Variants in ACVR2B observed in about 807,000 individuals in gnomAD.
The protein encoded by ACVR2B is activin A receptor type 2B, also known as activin receptor type-2B.
ACVR2B carries 18 observed loss-of-function variants against 65.1 expected under a neutral mutation model. The observed-to-expected ratio is 0.28, with a 90% CI of 0.19 to 0.41. The LOEUF is 0.41. ACVR2B is among the 10% of genes least tolerant of loss of function. The probability of loss-of-function intolerance (pLI) is 1.00; values close to 1 mark genes in which losing one functional copy is unlikely to be tolerated. For missense variants in ACVR2B, 482 were observed against 682.7 expected (o/e 0.71, Z 3.28); for synonymous variants, 298 against 277.7 (o/e 1.07, Z -0.73).
At chr3:38,482,624 C>T in intron 10 of ACVR2B, 64 bp downstream of exon 10, 2 of 1,581,984 alleles carry the variant, frequency 1.3e-6, no homozygotes, top group Non-Finnish European at 1.7e-6. Flanking sequence ...TCATGTGTAG[C>T]AGGTAAGCTG....
At chr3:38,476,151 T>G (rs1709904314) in intron 1 of ACVR2B, 1 of 152,308 alleles carries the variant, frequency 6.6e-6, no homozygotes, top group Non-Finnish European at 1.5e-5. Flanking sequence ...GTCAGGGCTA[T>G]GTGGTTCCTG....
chr3:38,479,064 C>T, intron 5 of ACVR2B, 64 bp from the exon 6 acceptor site: 3 of 1,600,486 alleles, frequency 1.9e-6, no homozygotes, highest in Non-Finnish European at 2.6e-6. Flanking sequence ...TGCTGTAGGG[C>T]AATGTGACTG....
At chr3:38,470,757 A>G (rs1279050337) in intron 1 of ACVR2B, among the ~76,000 whole-genome samples, 1 of 152,190 alleles carries the variant, frequency 6.6e-6, no homozygotes, top group Non-Finnish European at 1.5e-5. Context: ...CCAATGAGGG[A>G]TGGTAGAGAT....
At chr3:38,476,293 CGTT>C (rs1045103752) in intron 1 of ACVR2B, 20 of 151,970 alleles carry the variant, frequency 1.3e-4, no homozygotes, top group African/African-American at 3.9e-4. Context: ...GGGTTGAAGT[CGTT>C]GTCCACCTGG....
At position 38,482,446 on chromosome 3, in the gene ACVR2B, C is replaced by T. The variant is rs1268990653; in HGVS notation, c.1230C>T (p.Tyr410=). ...CKAADGPVDE[Y]MLPFEEEIGQ... is the part of the protein sequence containing the mutation. ...TTCTCCTAGGACCCGTGGATGAGTA[C>T]ATGCTGCCCTTTGAGGAAGAGATTG... Residue 410 remains tyrosine (Y), a synonymous_variant, in exon 10 of 11, where the codon TAC becomes TAT. Transcript: ENST00000352511. 1 of 1,612,626 alleles carries T rather than the reference C, an allele frequency of 6.2e-7. No homozygotes were observed. The highest frequency in any genetic ancestry group is 8.5e-7 in the Non-Finnish European group (1 of 1,179,818).
At chr3:38,466,129 C>T (rs1431943466) in intron 1 of ACVR2B, among the ~76,000 whole-genome samples, 2 of 152,196 alleles carry the variant, frequency 1.3e-5, no homozygotes, top group Non-Finnish European at 2.9e-5. Flanking sequence ...CAAATAACCA[C>T]ATTATCTCAC....
At position 38,483,399 on chromosome 3, in the gene ACVR2B, T is replaced by C; in HGVS notation, c.*67T>C. 1 of 1,566,780 alleles carries C rather than the reference T, an allele frequency of 6.4e-7. No homozygotes were observed. The highest frequency in any genetic ancestry group is 1.1e-5 in the South Asian group (1 of 89,618). ...GAAAAAAGGAAAAAAAGTTGTGTTT[T>C]GTTTTGGAAATCCCATAAAACCAAC... On this transcript the variant is annotated 3_prime_UTR_variant, in exon 11 of 11. Coordinates refer to ENST00000352511, the MANE Select transcript of ACVR2B (RefSeq NM_001106.4). The surrounding 1 kb of genome is among the most constrained non-coding windows in gnomAD (Gnocchi z 4.8).
intron 1 of ACVR2B, chr3:38,454,786 AG>A (rs1575575068): frequency 6.2e-6 from 1 of 162,580 alleles, no homozygotes. Context: ...GCATGCGGGG[AG>A]GGTTGCATGT....
chr3:38,478,319 G>A, intron 4 of ACVR2B, 27 bp downstream of exon 4: 1 of 1,614,134 alleles, frequency 6.2e-7, no homozygotes, highest in Non-Finnish European at 8.5e-7. Context: ...TTGGGGCAGG[G>A]CAGGATAGAG....
intron 5 of ACVR2B, 140 bp from the exon 6 acceptor site, chr3:38,478,988 C>A: frequency 8.9e-7 from 1 of 1,121,752 alleles, no homozygotes; most frequent in Non-Finnish European, 1.3e-6. Context: ...AATGCTGAAG[C>A]TGGGAGGCTG....
chr3:38,492,052 G>T lies in ACVR2B; in HGVS notation c.*8720G>T, dbSNP rs1388017680. 6.6e-6 allele frequency: 1 copy of T among 152,186 alleles called. No homozygotes were observed. The highest frequency in any genetic ancestry group is 1.5e-5 in the Non-Finnish European group (1 of 68,028). The allele number at this position is 152,186 out of a possible 1,614,324, so 9.4% of individuals were successfully genotyped here. The stretch of plus-strand genomic sequence containing the variant: ...TGTAAATTTAACTTACATCGAGTTT[G>T]TTGTCAATTCTTATGAAAAGAGCTT... On this transcript the variant is annotated 3_prime_UTR_variant, in exon 11 of 11. Coordinates refer to ENST00000352511, the MANE Select transcript of ACVR2B (RefSeq NM_001106.4).
chr3:38,486,305 G>A lies in ACVR2B; in HGVS notation c.*2973G>A, dbSNP rs1445736113. On this transcript the variant is annotated 3_prime_UTR_variant, in exon 11 of 11. Coordinates refer to ENST00000352511, the MANE Select transcript of ACVR2B (RefSeq NM_001106.4). The stretch of plus-strand genomic sequence containing the variant: ...AGGCCACTCTTCCCCTCATGCTGTG[G>A]TGTAAAGTGCACCCATCAGGTGGTA... 6.6e-6 allele frequency: 1 copy of A among 152,348 alleles called. No homozygotes were observed. Among genetic ancestry groups the A allele is most frequent in the African/African-American group, 2.4e-5 (1 of 41,454 alleles). 9.4% of individuals were successfully genotyped at this position (152,348 alleles called of 1,614,324 possible).
chr3:38,479,688 C>T lies in ACVR2B; in HGVS notation c.821C>T (p.Thr274Met), dbSNP rs558305186. The stretch of plus-strand genomic sequence containing the variant: ...GCTGTCTTCTCTCAGGGCTCCCTCA[C>T]GGATTACCTCAAGGGGAACATCATC... ...ITAFHDKGSL[T>M]DYLKGNIITW... Residue 274 changes from threonine (T) to methionine (M), a missense_variant, in exon 7 of 11, where the codon ACG becomes ATG. Physicochemically the swap from Thr to Met is moderately conservative, Grantham distance 81. Coordinates refer to ENST00000352511, the MANE Select transcript of ACVR2B (RefSeq NM_001106.4). 18 of 1,614,056 alleles carry T rather than the reference C, an allele frequency of 1.1e-5. No individual in the cohort carries two copies. Among genetic ancestry groups the T allele is most frequent in the Admixed American group, 1.7e-5 (1 of 60,004 alleles).
In ACVR2B at chr3:38,490,022, C is replaced by T. The variant is rs1265644314; in HGVS notation, c.*6690C>T. On this transcript the variant is annotated 3_prime_UTR_variant, in exon 11 of 11. Transcript: ENST00000352511. ...GGAGCCCAGTGAGGAAGCTCAGAAC[C>T]CCAGTAACAGCAGAGCATCTTTCAG... The T allele has an allele frequency of 3.9e-5, 6 of 152,178 alleles. No individual in the cohort carries two copies. The highest frequency in any genetic ancestry group is 7.3e-5 in the Non-Finnish European group (5 of 68,042). 9.4% of individuals were successfully genotyped at this position (152,178 alleles called of 1,614,324 possible). A position where few individuals can be genotyped will look rare whatever the true frequency, so the allele number is the denominator to read the frequency against.
At chr3:38,471,880 GTTAAA>G (rs920630034) in intron 1 of ACVR2B, among the ~76,000 whole-genome samples, 1 of 152,190 alleles carries the variant, frequency 6.6e-6, no homozygotes, top group Non-Finnish European at 1.5e-5. Context: ...CTGTATAAGT[GTTAAA>G]TTAATGCATA....
chr3:38,473,026 G>A (rs1709846047), intron 1 of ACVR2B, among the ~76,000 whole-genome samples: 1 of 152,192 alleles, frequency 6.6e-6, no homozygotes, highest in East Asian at 1.9e-4. Context: ...CTGTGTGTGT[G>A]TATGTGCATG....
Position 38,477,127 on chromosome 3 carries a change from T to G in ACVR2B, c.53-160T>G. 1.4e-6 allele frequency: 1 copy of G among 705,128 alleles called. No homozygotes were observed. The highest frequency in any genetic ancestry group is 2.4e-6 in the Non-Finnish European group (1 of 414,310). The allele number at this position is 705,128 out of a possible 1,614,324, so 43.7% of individuals were successfully genotyped here. On this transcript the variant is annotated intron_variant, in intron 1 of 10. Transcript: ENST00000352511. The surrounding 1 kb of genome is among the most constrained non-coding windows in gnomAD (Gnocchi z 6.7). The stretch of plus-strand genomic sequence containing the variant: ...CGTAAATTAAGAGGTGTGGGACGGA[T>G]GGGTGGCCTACGTCCAGGGGTGAGT...
chr3:38,487,456 C>G lies in ACVR2B; in HGVS notation c.*4124C>G, dbSNP rs1480588714. ...CTCTGTCACCTTTCTCTTCAGTTGG[C>G]CACATTCTCGTTTCCTCCATCCTGC... On this transcript the variant is annotated 3_prime_UTR_variant, in exon 11 of 11. Transcript: ENST00000352511. The G allele has an allele frequency of 6.6e-6, 1 of 152,330 alleles. No individual in the cohort carries two copies. The highest frequency in any genetic ancestry group is 1.5e-5 in the Non-Finnish European group (1 of 68,136). The allele number at this position is 152,330 out of a possible 1,614,324, so 9.4% of individuals were successfully genotyped here.
At position 38,479,734 on chromosome 3, in the gene ACVR2B, T is replaced by C. The variant is rs1238227506; in HGVS notation, c.867T>C (p.His289=). The C allele has an allele frequency of 5.6e-6, 9 of 1,614,236 alleles. No homozygotes were observed. The highest frequency in any genetic ancestry group is 7.6e-6 in the Non-Finnish European group (9 of 1,180,038). ...GNIITWNELC[H]VAETMSRGLS... ...TCATCACATGGAACGAACTGTGTCA[T>C]GTAGCAGAGACGATGTCACGAGGCC... The change falls in exon 7 of 11, where the codon CAT becomes CAC. Residue 289 remains histidine, a synonymous_variant. Transcript: ENST00000352511.
Sources: gnomAD v4.1 joint callset for allele counts (sites outside exome capture counted in the v4.1 genomes callset) on GRCh38, gnomAD v4.1.1 for gene constraint, Gnocchi (gnomAD v3.1) non-coding constraint, MANE v1.5 for transcripts, NCBI Gene and HGNC (gene_info 2026-07-23, HGNC 2026-07-21) for gene names.